Variants in NPSR1 observed in about 807,000 individuals in gnomAD.
NPSR1 encodes neuropeptide S receptor.
In NPSR1, 48 loss-of-function variants were observed where a neutral mutation model predicts 46.9. The ratio of observed to expected loss-of-function variants is 1.02; its 90% CI spans 0.81 to 1.30. The LOEUF is 1.30. Ranked by LOEUF, NPSR1 falls within the 50% of genes most tolerant of loss-of-function variation. NPSR1 has a pLI of 0.00. For missense variants in NPSR1, 450 were observed against 449.5 expected, an observed-to-expected ratio of 1.00 and a Z score of -0.01; for synonymous variants, 176 against 168.1, an observed-to-expected ratio of 1.05 and a Z score of -0.36.
chr7:34,675,894 T>G (rs1792289825), intron 1 of NPSR1, among the ~76,000 whole-genome samples: 1 of 152,234 alleles, frequency 6.6e-6, no homozygotes, highest in African/African-American at 2.4e-5. Flanking sequence ...AATACATTTC[T>G]TATTTCCACT....
At chr7:34,827,630 C>T (rs200973376) in intron 5 of NPSR1, 28 bp downstream of exon 5, 79 of 211,496 alleles carry the variant, frequency 3.7e-4, no homozygotes, top group East Asian at 3.0e-3. Context: ...CAGGACCACA[C>T]GGGGGGGTGG....
downstream of NPSR1, among the ~76,000 whole-genome samples, chr7:34,853,216 C>T (rs536071651): frequency 6.6e-6 from 1 of 152,190 alleles, no homozygotes; most frequent in East Asian, 1.9e-4. Flanking sequence ...CAGAAAAGGC[C>T]ACAAGCCTGA....
intron 6 of NPSR1, among the ~76,000 whole-genome samples, chr7:34,836,024 C>A (rs1374605584): frequency 6.6e-6 from 1 of 152,194 alleles, no homozygotes; most frequent in Non-Finnish European, 1.5e-5. Context: ...CTGACCTTCA[C>A]ACTGACTGAC....
At chr7:34,713,361 A>G (rs1783400024) in intron 2 of NPSR1, among the ~76,000 whole-genome samples, 2 of 152,182 alleles carry the variant, frequency 1.3e-5, no homozygotes, top group African/African-American at 2.4e-5. Context: ...AATATTCTAG[A>G]AAAAACATTG....
intron 8 of NPSR1, among the ~76,000 whole-genome samples, chr7:34,867,062 A>G (rs1349819919): frequency 1.3e-5 from 2 of 151,790 alleles, no homozygotes; most frequent in Admixed American, 6.5e-5. Context: ...GACCCTTCCA[A>G]GCAAAGGTGA....
intron 2 of NPSR1, among the ~76,000 whole-genome samples, chr7:34,690,605 A>G (rs904002518): frequency 6.6e-6 from 1 of 152,202 alleles, no homozygotes; most frequent in African/African-American, 2.4e-5. Context: ...AGCTTCAACA[A>G]TAGGCTAGAC....
At chr7:34,875,967 C>T (rs1791565558) in intron 8 of NPSR1, among the ~76,000 whole-genome samples, 1 of 152,168 alleles carries the variant, frequency 6.6e-6, no homozygotes, top group African/African-American at 2.4e-5. Flanking sequence ...CTCAGAAACA[C>T]TGTGGCTCCT....
intron 1 of NPSR1, among the ~76,000 whole-genome samples, chr7:34,663,063 C>G (rs1385449184): frequency 7.6e-5 from 7 of 91,884 alleles, no homozygotes; most frequent in African/African-American, 5.3e-4. Flanking sequence ...CTCTCTCTCT[C>G]TCTCTGTGTG....
chr7:34,844,577 C>T (rs1226305241), intron 6 of NPSR1, among the ~76,000 whole-genome samples: 2 of 152,146 alleles, frequency 1.3e-5, no homozygotes, highest in Non-Finnish European at 2.9e-5. Flanking sequence ...AGTAGCACTC[C>T]TCAGGGAAGC....
chr7:34,725,274 T>C (rs1378062371), intron 2 of NPSR1, among the ~76,000 whole-genome samples: 1 of 152,198 alleles, frequency 6.6e-6, no homozygotes, highest in Non-Finnish European at 1.5e-5. Context: ...TTAATTAAGA[T>C]ACTATAGCCA....
chr7:34,730,823 G>A (rs1259902332), intron 2 of NPSR1, among the ~76,000 whole-genome samples: 1 of 152,126 alleles, frequency 6.6e-6, no homozygotes, highest in Non-Finnish European at 1.5e-5. Context: ...CTCCATGGAG[G>A]CAGGAACCAT....
chr7:34,859,562 A>T (rs1791137737), intron 8 of NPSR1, among the ~76,000 whole-genome samples: 1 of 151,552 alleles, frequency 6.6e-6, no homozygotes, highest in Non-Finnish European at 1.5e-5. Context: ...AGAACTAATC[A>T]CCAAAGCTTG....
chr7:34,871,733 G>A (rs573493636), intron 8 of NPSR1, among the ~76,000 whole-genome samples: 7 of 152,090 alleles, frequency 4.6e-5, no homozygotes, highest in East Asian at 3.9e-4. Flanking sequence ...CAGTCATCAC[G>A]TTTTAAAGCT....
At chr7:34,717,138 T>G (rs1366374814) in intron 2 of NPSR1, among the ~76,000 whole-genome samples, 1 of 152,210 alleles carries the variant, frequency 6.6e-6, no homozygotes, top group Non-Finnish European at 1.5e-5. Flanking sequence ...CTTTTTTGTT[T>G]GATTGTTTTT....
chr7:34,844,779 TA>T (rs1332088820), intron 6 of NPSR1, 116 bp from the exon 7 acceptor site: 3 of 734,566 alleles, frequency 4.1e-6, no homozygotes, highest in Admixed American at 2.1e-5. Flanking sequence ...CATCTGGGCA[TA>T]AATGCACAGG....
chr7:34,780,638 A>T (rs1234101649), intron 3 of NPSR1, among the ~76,000 whole-genome samples: 1 of 152,182 alleles, frequency 6.6e-6, no homozygotes, highest in African/African-American at 2.4e-5. Context: ...GGCTTGCATT[A>T]TTCTCAGCCC....
intron 2 of NPSR1, among the ~76,000 whole-genome samples, chr7:34,777,651 T>C (rs1048051657): frequency 2.0e-5 from 3 of 152,134 alleles, no homozygotes; most frequent in Non-Finnish European, 4.4e-5. Flanking sequence ...GAACGATCAG[T>C]GGAACCTTCT....
intron 8 of NPSR1, among the ~76,000 whole-genome samples, chr7:34,863,153 T>G (rs1371282070): frequency 1.3e-5 from 2 of 151,710 alleles, no homozygotes; most frequent in Non-Finnish European, 2.9e-5. Context: ...TTTAATAAAT[T>G]GTGTTGGGGA....
At chr7:34,865,236 A>C (rs1282724588) in intron 8 of NPSR1, among the ~76,000 whole-genome samples, 3 of 151,738 alleles carry the variant, frequency 2.0e-5, no homozygotes, top group Non-Finnish European at 4.4e-5. Flanking sequence ...TCAGCTACGG[A>C]ATGTTTGGAA....
Sources: gnomAD v4.1 joint callset for allele counts (sites outside exome capture counted in the v4.1 genomes callset) on GRCh38, gnomAD v4.1.1 for gene constraint, MANE v1.5 for transcripts, NCBI Gene and HGNC (gene_info 2026-07-23, HGNC 2026-07-21) for gene names.